Variants in ANKIB1 observed in about 807,000 individuals in gnomAD.
ANKIB1 encodes the protein ankyrin repeat and IBR domain containing 1.
ANKIB1 carries 43 observed loss-of-function variants against 122.1 expected under a neutral mutation model. The observed-to-expected ratio is 0.35, with a 90% CI of 0.28 to 0.45. ANKIB1 has a LOEUF of 0.45. Ranked by LOEUF, ANKIB1 falls within the 20% of genes least tolerant of loss-of-function variation. The pLI is 1.00. For missense variants in ANKIB1, 992 were observed against 1,329.5 expected, an observed-to-expected ratio of 0.75 and a Z score of 3.95; for synonymous variants, 390 against 442.0, an observed-to-expected ratio of 0.88 and a Z score of 1.48.
intron 5 of ANKIB1, among the ~76,000 whole-genome samples, chr7:92,339,317 C>T (rs1803385668): frequency 7.2e-5 from 11 of 152,042 alleles, no homozygotes; most frequent in Admixed American, 7.2e-4. Flanking sequence ...GCTGGGATTA[C>T]AGGCGTGAGC....
chr7:92,384,098 GACAA>G (rs1300056208), intron 11 of ANKIB1, among the ~76,000 whole-genome samples: 2 of 151,926 alleles, frequency 1.3e-5, no homozygotes, highest in Non-Finnish European at 2.9e-5. Flanking sequence ...ACCAATAACA[GACAA>G]ACAGCCAAAT....
At chr7:92,372,250 A>AT (rs951677656) in intron 11 of ANKIB1, among the ~76,000 whole-genome samples, 3 of 151,548 alleles carry the variant, frequency 2.0e-5, no homozygotes, top group East Asian at 1.9e-4. Flanking sequence ...ACATGTACAG[A>AT]TTTTTTTTTG....
chr7:92,395,130 CTTTTA>C lies in ANKIB1; in HGVS notation c.2284-1232_2284-1228del, dbSNP rs371937609. Among the ~76,000 whole-genome samples, 86 of 152,304 alleles carry C rather than the reference CTTTTA, an allele frequency of 5.6e-4. 1 individual carries two copies. In the Middle Eastern group the frequency reaches 0.014, roughly 24 times the overall value. ...GGCCTCCTCTCTTCTCTTCCCTTCTCTTTTATTCTCTTCTCTTCTGTCACATTTAT... is the reference window on the plus strand; with the variant it reads ...GGCCTCCTCTCTTCTCTTCCCTTCTCTTCTCTTCTCTTCTGTCACATTTAT... On this transcript the variant is annotated intron_variant, in intron 17 of 19. Coordinates refer to ENST00000265742, the MANE Select transcript of ANKIB1 (RefSeq NM_019004.2).
At chr7:92,338,149 GT>G (rs1803330374) in intron 5 of ANKIB1, among the ~76,000 whole-genome samples, 1 of 152,026 alleles carries the variant, frequency 6.6e-6, no homozygotes, top group Non-Finnish European at 1.5e-5. Flanking sequence ...AGTGGCTCAG[GT>G]CTGTAATTTT....
At chr7:92,394,245 A>G (rs1202918948) in intron 17 of ANKIB1, among the ~76,000 whole-genome samples, 1 of 152,214 alleles carries the variant, frequency 6.6e-6, no homozygotes, top group Non-Finnish European at 1.5e-5. Context: ...TACTTAAAAC[A>G]GCTCCTTATA....
intron 1 of ANKIB1, among the ~76,000 whole-genome samples, chr7:92,279,246 A>C (rs62467800): frequency 0.059 from 8,919 of 152,252 alleles, 374 homozygotes; most frequent in Non-Finnish European, 0.088. Flanking sequence ...CAGGCCATGG[A>C]CAGGTACCAG....
intron 4 of ANKIB1, among the ~76,000 whole-genome samples, chr7:92,324,807 C>T (rs1802989852): frequency 6.6e-6 from 1 of 152,178 alleles, no homozygotes; most frequent in East Asian, 1.9e-4. Context: ...AATAATTAAA[C>T]TATAAATGGG....
At chr7:92,330,215 G>A (rs985994880) in intron 5 of ANKIB1, among the ~76,000 whole-genome samples, 3 of 152,052 alleles carry the variant, frequency 2.0e-5, no homozygotes, top group Non-Finnish European at 2.9e-5. Context: ...CATACACTTA[G>A]AATGGAATAT....
At chr7:92,382,911 G>A (rs1026937039) in intron 11 of ANKIB1, among the ~76,000 whole-genome samples, 5 of 152,072 alleles carry the variant, frequency 3.3e-5, no homozygotes, top group Non-Finnish European at 5.9e-5. Flanking sequence ...GAAGGAGATG[G>A]AGACATAAAA....
chr7:92,324,336 C>T (rs1434616978), intron 4 of ANKIB1, among the ~76,000 whole-genome samples: 2 of 152,204 alleles, frequency 1.3e-5, no homozygotes, highest in South Asian at 4.1e-4. Context: ...CAGGTTCAAG[C>T]CATTCTCCTG....
At chr7:92,305,367 G>A (rs1802540006) in intron 2 of ANKIB1, among the ~76,000 whole-genome samples, 1 of 152,114 alleles carries the variant, frequency 6.6e-6, no homozygotes, top group South Asian at 2.1e-4. Flanking sequence ...CACTGATCTA[G>A]GTCATGAAAG....
chr7:92,386,527 T>C lies in ANKIB1; in HGVS notation c.1636T>C (p.Trp546Arg). Residue 546 changes from tryptophan (W) to arginine (R), a missense_variant, in exon 12 of 20, where the codon TGG (tryptophan) becomes CGG (arginine). Physicochemically the swap from Trp to Arg is moderately radical, Grantham distance 101. This residue lies in a region of ANKIB1 where 521 missense variants were observed against 777.7 expected (regional missense o/e 0.67). Coordinates refer to ENST00000265742, the MANE Select transcript of ANKIB1 (RefSeq NM_019004.2). Reference protein sequence around the residue: ...QCAKCKYDFCWICLEEWKKHS... With the variant: ...QCAKCKYDFCRICLEEWKKHS... Reference sequence around the variant, plus strand: ...TTTGAAGTGCAAGTATGACTTTTGCTGGATTTGCCTTGAAGAGTGGAAAAA... The same window carrying C: ...TTTGAAGTGCAAGTATGACTTTTGCCGGATTTGCCTTGAAGAGTGGAAAAA... 1 of 1,598,356 alleles carries C rather than the reference T, an allele frequency of 6.3e-7. No homozygotes were observed. Among genetic ancestry groups the C allele is most frequent in the Non-Finnish European group, 8.5e-7 (1 of 1,173,488 alleles).
chr7:92,246,561 TCTAC>T (rs2032300909), intron 1 of ANKIB1, 42 bp downstream of exon 1: 1 of 512,810 alleles, frequency 2.0e-6, no homozygotes, highest in Non-Finnish European at 3.9e-6. Context: ...TGAGGCTGCC[TCTAC>T]CCATTTGTGG....
chr7:92,338,435 TAAAA>T (rs1485913217), intron 5 of ANKIB1, among the ~76,000 whole-genome samples: 3 of 151,290 alleles, frequency 2.0e-5, no homozygotes, highest in Non-Finnish European at 4.4e-5. Flanking sequence ...AAATAAAAAT[TAAAA>T]AAAGATTAGG....
chr7:92,255,531 C>G (rs908897614), intron 1 of ANKIB1, among the ~76,000 whole-genome samples: 6 of 152,146 alleles, frequency 3.9e-5, no homozygotes, highest in African/African-American at 1.4e-4. Flanking sequence ...TATATTCTTT[C>G]GCTCTTCATG....
At chr7:92,282,891 T>A (rs148170181) in intron 1 of ANKIB1, among the ~76,000 whole-genome samples, 1 of 152,346 alleles carries the variant, frequency 6.6e-6, no homozygotes, top group East Asian at 1.9e-4. Flanking sequence ...AAGAGTCATG[T>A]TTCATACAGT....
At chr7:92,397,443 G>T (rs951997306) in intron 18 of ANKIB1, among the ~76,000 whole-genome samples, 1 of 150,384 alleles carries the variant, frequency 6.6e-6, no homozygotes, top group African/African-American at 2.5e-5. Context: ...CCAAGATTGC[G>T]CCACTGCACT....
At chr7:92,323,035 A>G (rs1288036088) in intron 4 of ANKIB1, among the ~76,000 whole-genome samples, 4 of 152,134 alleles carry the variant, frequency 2.6e-5, no homozygotes, top group African/African-American at 7.2e-5. Flanking sequence ...TGCCTGGCTC[A>G]TTTTCAACAT....
At chr7:92,342,398 G>T (rs1206010012) in intron 5 of ANKIB1, among the ~76,000 whole-genome samples, 3 of 152,160 alleles carry the variant, frequency 2.0e-5, no homozygotes, top group Non-Finnish European at 4.4e-5. Flanking sequence ...AGACATTATA[G>T]TATGTTTTAC....
Sources: allele counts gnomAD v4.1 joint callset (sites outside exome capture counted in the v4.1 genomes callset), GRCh38; gene constraint gnomAD v4.1.1; regional missense constraint gnomAD v4.1.1; transcripts MANE v1.5; gene names NCBI Gene and HGNC (gene_info 2026-07-23, HGNC 2026-07-21).